POC1B: variants seen among roughly 807,000 people sequenced by gnomAD.
POC1B encodes the protein POC1 centriolar protein homolog B.
Under a neutral mutation model 60.6 loss-of-function variants are expected in POC1B, and 44 were observed. The observed-to-expected ratio is 0.73, with a 90% CI of 0.57 to 0.93. The LOEUF is 0.93. Among genes scored for constraint, POC1B ranks in the 40% least tolerant of loss-of-function variants. The probability of loss-of-function intolerance (pLI) is 0.00; values close to 1 mark genes in which losing one functional copy is unlikely to be tolerated. For missense variants in POC1B, 555 were observed against 572.3 expected, an observed-to-expected ratio of 0.97 and a Z score of 0.31; for synonymous variants, 180 against 198.9, an observed-to-expected ratio of 0.90 and a Z score of 0.80.
chr12:89,453,639 C>G (rs963371638), intron 10 of POC1B, among the ~76,000 whole-genome samples: 11 of 152,174 alleles, frequency 7.2e-5, no homozygotes, highest in Non-Finnish European at 1.6e-4. Flanking sequence ...CTTTACATTG[C>G]GTATGACCAT....
intron 10 of POC1B, among the ~76,000 whole-genome samples, chr12:89,448,444 G>A (rs907843856): frequency 2.6e-5 from 4 of 152,102 alleles, no homozygotes; most frequent in Admixed American, 6.6e-5. Context: ...ACACCAGAAC[G>A]GCAATAACAC....
intron 4 of POC1B, among the ~76,000 whole-genome samples, chr12:89,486,161 TG>T (rs1238765770): frequency 6.6e-6 from 1 of 152,252 alleles, no homozygotes; most frequent in Non-Finnish European, 1.5e-5. Context: ...AGGAATTTTG[TG>T]TTTTATTTTC....
intron 2 of POC1B, among the ~76,000 whole-genome samples, chr12:89,509,253 C>T (rs996082314): frequency 6.6e-6 from 1 of 152,068 alleles, no homozygotes; most frequent in African/African-American, 2.4e-5. Flanking sequence ...GGTTATAATC[C>T]ATAACTATCA....
intron 2 of POC1B, chr12:89,523,031 G>A (rs1434592385): frequency 1.2e-6 from 2 of 1,613,602 alleles, no homozygotes; most frequent in African/African-American, 1.3e-5. Context: ...TTTTGCTCAG[G>A]TACCTCTGCA....
intron 1 of POC1B, 184 bp downstream of exon 1, chr12:89,525,697 C>T (rs2135786246): frequency 8.0e-7 from 1 of 1,257,840 alleles, no homozygotes; most frequent in East Asian, 3.0e-5. Context: ...GGTCTGGGTT[C>T]CGCACTCCGT....
chr12:89,503,374 C>T (rs1369326446), intron 2 of POC1B, among the ~76,000 whole-genome samples: 3 of 152,260 alleles, frequency 2.0e-5, no homozygotes, highest in Admixed American at 6.5e-5. Flanking sequence ...GCCTCGGCCT[C>T]CCGAGGTGCC....
the POC1B span, among the ~76,000 whole-genome samples, chr12:89,410,477 G>C: frequency 2.6e-5 from 4 of 152,016 alleles, no homozygotes; most frequent in Non-Finnish European, 5.9e-5. Context: ...TCAGGAGATC[G>C]AGACCATCCT....
chr12:89,525,695 T>A lies in POC1B; in HGVS notation c.15+186A>T, dbSNP rs556749858. The A allele has an allele frequency of 6.4e-4, 802 of 1,250,432 alleles. 1 individual carries two copies. The highest frequency in any genetic ancestry group is 7.7e-4 in the Non-Finnish European group (745 of 972,248). 77.5% of individuals were successfully genotyped at this position (1,250,432 alleles called of 1,614,324 possible). A position where few individuals can be genotyped will look rare whatever the true frequency, so the allele number is the denominator to read the frequency against. ...AGAGCGTCCGGGAGCCGGGTCTGGG[T>A]TCCGCACTCCGTCCGCCCCGATGGC... On this transcript the variant is annotated intron_variant, in intron 1 of 11. Transcript: ENST00000313546.
intron 2 of POC1B, among the ~76,000 whole-genome samples, chr12:89,504,185 G>A (rs1479390229): frequency 1.3e-5 from 2 of 152,280 alleles, no homozygotes; most frequent in Admixed American, 1.3e-4. Context: ...GTGGGGAAAA[G>A]ATAGAGAAAT....
chr12:89,498,831 A>G (rs1262671205), intron 2 of POC1B, among the ~76,000 whole-genome samples: 1 of 152,152 alleles, frequency 6.6e-6, no homozygotes, highest in African/African-American at 2.4e-5. Context: ...AACGAGATAA[A>G]CAAAAGCAAA....
chr12:89,424,388 T>C (rs1488184320), intron 11 of POC1B, among the ~76,000 whole-genome samples: 1 of 152,212 alleles, frequency 6.6e-6, no homozygotes. Context: ...AGTTGGGTGA[T>C]TTCTATGCAA....
At chr12:89,463,987 T>G (rs1483844668) in intron 9 of POC1B, among the ~76,000 whole-genome samples, 1 of 152,150 alleles carries the variant, frequency 6.6e-6, no homozygotes, top group African/African-American at 2.4e-5. Context: ...ATGAGTCTCA[T>G]AGAAAACATA....
At chr12:89,443,077 A>G (rs1881604958) in intron 10 of POC1B, among the ~76,000 whole-genome samples, 1 of 152,248 alleles carries the variant, frequency 6.6e-6, no homozygotes, top group Non-Finnish European at 1.5e-5. Context: ...TATGCACCCA[A>G]TGCAGGAGCA....
intron 2 of POC1B, among the ~76,000 whole-genome samples, chr12:89,509,133 T>A (rs192050686): frequency 6.1e-4 from 93 of 152,358 alleles, no homozygotes; most frequent in African/African-American, 2.2e-3. Flanking sequence ...ATGAATATTT[T>A]AAAAATGTAT....
At chr12:89,475,865 A>AT (rs1164871714) in intron 4 of POC1B, among the ~76,000 whole-genome samples, 5 of 149,352 alleles carry the variant, frequency 3.3e-5, no homozygotes, top group Non-Finnish European at 7.4e-5. Flanking sequence ...CTACTACTGA[A>AT]TTCCTTAAAC....
intron 10 of POC1B, among the ~76,000 whole-genome samples, chr12:89,450,310 C>G (rs1389699106): frequency 6.6e-6 from 1 of 151,848 alleles, no homozygotes; most frequent in Non-Finnish European, 1.5e-5. Flanking sequence ...AGGGTTCAAG[C>G]AATTCTCCTG....
At chr12:89,523,794 C>CA in intron 2 of POC1B, 2 of 1,535,122 alleles carry the variant, frequency 1.3e-6, no homozygotes, top group Non-Finnish European at 1.7e-6. Flanking sequence ...TAACAGGACA[C>CA]ACAACTGCTG....
intron 2 of POC1B, chr12:89,519,942 A>G (rs1011588982): frequency 6.6e-6 from 1 of 152,214 alleles, no homozygotes; most frequent in Non-Finnish European, 1.5e-5. Context: ...AAGCATATAC[A>G]TTAACTTAAA....
chr12:89,487,626 G>A (rs1868709043), intron 4 of POC1B, among the ~76,000 whole-genome samples: 1 of 152,136 alleles, frequency 6.6e-6, no homozygotes, highest in Non-Finnish European at 1.5e-5. Flanking sequence ...ATGAATATTG[G>A]ATAGTTTTGT....
Sources: allele counts gnomAD v4.1 joint callset (sites outside exome capture counted in the v4.1 genomes callset), GRCh38; gene constraint gnomAD v4.1.1; transcripts MANE v1.5; gene names NCBI Gene and HGNC (gene_info 2026-07-23, HGNC 2026-07-21).